NUGGC: variants seen among roughly 807,000 people sequenced by gnomAD.
NUGGC encodes nuclear GTPase SLIP-GC.
Under a neutral mutation model 92.6 loss-of-function variants are expected in NUGGC, and 58 were observed. That is an observed-to-expected ratio of 0.63 (90% confidence interval 0.51 to 0.78). NUGGC has a LOEUF of 0.78. Ranked by LOEUF, NUGGC falls within the 30% of genes least tolerant of loss-of-function variation. The pLI, the probability that NUGGC is intolerant of heterozygous loss-of-function variation, is 0.00. For missense variants in NUGGC, 925 were observed against 964.6 expected (o/e 0.96, Z 0.54); for synonymous variants, 376 against 366.4 (o/e 1.03, Z -0.30).
intron 1 of NUGGC, among the ~76,000 whole-genome samples, chr8:28,080,436 C>T (rs1810823119): frequency 6.6e-6 from 1 of 152,210 alleles, no homozygotes; most frequent in African/African-American, 2.4e-5. Context: ...TTTCACCCTA[C>T]CTTGCCTCGC....
chr8:28,046,668 A>G (rs1809843431), intron 11 of NUGGC, among the ~76,000 whole-genome samples: 1 of 147,106 alleles, frequency 6.8e-6, no homozygotes, highest in African/African-American at 2.5e-5. Context: ...GGACTAAGGA[A>G]ATGATAACCC....
intron 10 of NUGGC, among the ~76,000 whole-genome samples, chr8:28,051,686 G>C (rs985143752): frequency 2.0e-5 from 3 of 152,202 alleles, no homozygotes; most frequent in Non-Finnish European, 4.4e-5. Context: ...AGCACTTTGA[G>C]AGGCTGAGGG....
intron 17 of NUGGC, among the ~76,000 whole-genome samples, chr8:28,029,015 G>T (rs1055718977): frequency 6.6e-6 from 1 of 152,110 alleles, no homozygotes; most frequent in Non-Finnish European, 1.5e-5. Flanking sequence ...AGACTTGCTG[G>T]GGATTAAATG....
chr8:28,074,403 T>C lies in NUGGC; in HGVS notation c.8A>G (p.Glu3Gly). 1 of 1,613,848 alleles carries C rather than the reference T, an allele frequency of 6.2e-7. No individual in the cohort carries two copies. Among genetic ancestry groups the C allele is most frequent in the Non-Finnish European group, 8.5e-7 (1 of 1,179,802 alleles). ...TTCCTGGCCAAAAACATCCTTCGTT[T>C]CTGCCATTCCTTGTTACGTGAACTC... is the stretch of plus-strand genomic sequence containing the variant. MAETKDVFGQEPH... is the reference protein window; with the variant it reads MAGTKDVFGQEPH... The change falls in exon 2 of 19, where the codon GAA becomes GGA. Residue 3 changes from glutamate to glycine, a missense_variant. By Grantham distance (98) the Glu-to-Gly change is moderately conservative. Transcript: ENST00000413272.
chr8:28,033,167 A>T (rs531352398), intron 14 of NUGGC, among the ~76,000 whole-genome samples: 90 of 151,960 alleles, frequency 5.9e-4, no homozygotes, highest in African/African-American at 2.1e-3. Context: ...CTCATTTTTT[A>T]AAAAAAAGGA....
At chr8:28,081,285 C>A (rs1442122480) in intron 1 of NUGGC, among the ~76,000 whole-genome samples, 1 of 152,058 alleles carries the variant, frequency 6.6e-6, no homozygotes, top group African/African-American at 2.4e-5. Flanking sequence ...CACCACTGCA[C>A]TCCAGCCTGG....
chr8:28,069,479 G>A, intron 4 of NUGGC, 65 bp downstream of exon 4: 2 of 767,418 alleles, frequency 2.6e-6, no homozygotes, highest in East Asian at 4.9e-5. Flanking sequence ...TTGGGGGAAA[G>A]CACCTATAAT....
chr8:28,031,305 C>A lies in NUGGC; in HGVS notation c.1846G>T (p.Glu616Ter). The A allele has an allele frequency of 6.2e-7, 1 of 1,614,022 alleles. No homozygotes were observed. Among genetic ancestry groups the A allele is most frequent in the Non-Finnish European group, 8.5e-7 (1 of 1,179,862 alleles). The change falls in exon 15 of 19, where the codon GAA becomes TAA. Residue 616 changes from glutamate to a stop codon, truncating the protein, a stop_gained. Coordinates refer to ENST00000413272, the MANE Select transcript of NUGGC (RefSeq NM_001010906.2). LOFTEE classifies it high-confidence loss of function. Reference protein sequence around the residue: ...FKQSLQEKMTEIGIRSGWKYD... With the variant: ...FKQSLQEKMT ...TTCCAGCCACTTCTTATCCCAATTT[C>A]TGTCATTTTCTCCTGCAGGGACTGC... is the stretch of plus-strand genomic sequence containing the variant.
rs117005327 is a variant in NUGGC at position 28,054,897 on chromosome 8, A to G, written c.1206+1068T>C. ...AACCCCATCTTTAAAAATAATAATA[A>G]TAAAATTGGCCAGGTGCAGTGGCTC... On this transcript the variant is annotated intron_variant, in intron 10 of 18. Transcript: ENST00000413272. 2.5e-3 allele frequency among the ~76,000 whole-genome samples: 385 copies of G among 152,104 alleles called. 2 individuals are homozygous for G. Among genetic ancestry groups the G allele is most frequent in the Non-Finnish European group, 4.6e-3 (310 of 67,988 alleles).
chr8:28,058,857 C>T (rs1441443347), intron 8 of NUGGC, among the ~76,000 whole-genome samples: 1 of 152,072 alleles, frequency 6.6e-6, no homozygotes, highest in Non-Finnish European at 1.5e-5. Context: ...TGTGCATCAC[C>T]ACGCCCGGCC....
Position 28,052,692 on chromosome 8 carries a change from G to A in NUGGC, c.1206+3273C>T, listed in dbSNP as rs115624727. On this transcript the variant is annotated intron_variant, in intron 10 of 18. Transcript: ENST00000413272. Reference sequence around the variant, plus strand: ...AACTGGGAGATAATAATTTTCTGTCGTTCCAAGCTACCCAGCTGTGGTGCT... The same window carrying A: ...AACTGGGAGATAATAATTTTCTGTCATTCCAAGCTACCCAGCTGTGGTGCT... Among the ~76,000 whole-genome samples, 1,047 of 152,268 alleles carry A rather than the reference G, an allele frequency of 6.9e-3. 13 individuals carry two copies. Among genetic ancestry groups the A allele is most frequent in the South Asian group, 0.027 (128 of 4,822 alleles).
At chr8:28,064,871 G>C (rs1810399271) in intron 6 of NUGGC, 140 bp from the exon 7 acceptor site, 22 of 668,198 alleles carry the variant, frequency 3.3e-5, no homozygotes, top group Middle Eastern at 4.0e-4. Context: ...AATCAGGTCT[G>C]TAGGACCTAG....
At chr8:28,029,197 C>T in intron 17 of NUGGC, 69 bp downstream of exon 17, 1 of 1,518,546 alleles carries the variant, frequency 6.6e-7, no homozygotes, top group Non-Finnish European at 8.9e-7. Flanking sequence ...CTTCCACCTT[C>T]TGCACTCGCT....
intron 12 of NUGGC, among the ~76,000 whole-genome samples, chr8:28,043,193 G>A (rs11780888): frequency 0.54 from 82,338 of 152,096 alleles, 22,979 homozygotes; most frequent in African/African-American, 0.67. Flanking sequence ...ATCCTTGTTG[G>A]ATAAACAAAA....
chr8:28,059,084 A>G (rs910706720), intron 8 of NUGGC, among the ~76,000 whole-genome samples: 8 of 152,138 alleles, frequency 5.3e-5, no homozygotes, highest in African/African-American at 1.9e-4. Context: ...GGAGAAATGC[A>G]GGAGGAAAAA....
intron 3 of NUGGC, 92 bp from the exon 4 acceptor site, chr8:28,069,744 AGGG>A: frequency 1.3e-6 from 1 of 769,326 alleles, no homozygotes; most frequent in Middle Eastern, 2.3e-4. Flanking sequence ...ATCGCAGAGA[AGGG>A]AAAAAAAAAA....
chr8:28,044,553 G>A (rs1343775898), intron 12 of NUGGC, among the ~76,000 whole-genome samples: 1 of 152,214 alleles, frequency 6.6e-6, no homozygotes, highest in Non-Finnish European at 1.5e-5. Context: ...TAGACATTTG[G>A]TTTTCCCGGT....
At chr8:28,023,552 G>T in intron 18 of NUGGC, 90 bp from the exon 19 acceptor site, 2 of 1,306,452 alleles carry the variant, frequency 1.5e-6, no homozygotes, top group Non-Finnish European at 2.1e-6. Context: ...CCTGTCACTT[G>T]TCCCAGAATA....
intron 4 of NUGGC, 114 bp downstream of exon 4, chr8:28,069,430 C>T (rs1374362607): frequency 1.1e-5 from 7 of 620,000 alleles, no homozygotes; most frequent in Non-Finnish European, 2.0e-5. Context: ...ATTTGTGTCC[C>T]TCTTTTCTTA....
Sources: allele counts gnomAD v4.1 joint callset (sites outside exome capture counted in the v4.1 genomes callset), GRCh38; gene constraint gnomAD v4.1.1; transcripts MANE v1.5; gene names NCBI Gene and HGNC (gene_info 2026-07-23, HGNC 2026-07-21).